DENND2A: variants seen among roughly 807,000 people sequenced by gnomAD.
DENND2A encodes DENN domain-containing protein 2A.
Under a neutral mutation model 105.3 loss-of-function variants are expected in DENND2A, and 53 were observed. The observed-to-expected ratio is 0.50, with a 90% CI of 0.40 to 0.63. The LOEUF (loss-of-function observed/expected upper bound fraction) is 0.63. Among genes scored for constraint, DENND2A ranks in the 30% least tolerant of loss-of-function variants. The pLI, the probability that DENND2A is intolerant of heterozygous loss-of-function variation, is 0.00. For synonymous variants in DENND2A, 522 were observed against 508.4 expected (o/e 1.03, Z -0.36); for missense variants, 1,138 against 1,279.6 (o/e 0.89, Z 1.69).
intron 6 of DENND2A, among the ~76,000 whole-genome samples, chr7:140,570,482 T>C (rs566676611): frequency 8.3e-4 from 127 of 152,284 alleles, no homozygotes; most frequent in Non-Finnish European, 1.5e-3. Flanking sequence ...TTCCAAAGAA[T>C]GTCAGAGCAG....
intron 5 of DENND2A, among the ~76,000 whole-genome samples, chr7:140,579,092 G>A (rs1374902819): frequency 6.6e-6 from 1 of 151,968 alleles, no homozygotes. Flanking sequence ...TCAAGAGATC[G>A]AGACCATCTG....
chr7:140,624,528 C>A (rs796786037), intron 1 of DENND2A, among the ~76,000 whole-genome samples: 1 of 152,176 alleles, frequency 6.6e-6, no homozygotes, highest in Non-Finnish European at 1.5e-5. Context: ...CACCTGGCCA[C>A]ATGGTGGCAG....
chr7:140,606,319 A>G (rs1266331306), intron 1 of DENND2A, among the ~76,000 whole-genome samples: 1 of 152,094 alleles, frequency 6.6e-6, no homozygotes, highest in African/African-American at 2.4e-5. Flanking sequence ...GGATTACCGG[A>G]GTGAGCCACT....
intron 12 of DENND2A, among the ~76,000 whole-genome samples, chr7:140,550,894 A>G (rs1322490502): frequency 6.6e-6 from 1 of 152,168 alleles, no homozygotes; most frequent in Non-Finnish European, 1.5e-5. Flanking sequence ...TTTGTTATGT[A>G]TATATTTTAG....
intron 11 of DENND2A, among the ~76,000 whole-genome samples, chr7:140,556,422 TCCACTTCC>T (rs1384827723): frequency 2.6e-5 from 4 of 152,128 alleles, no homozygotes; most frequent in Non-Finnish European, 1.5e-5. Flanking sequence ...CACTGCACCC[TCCACTTCC>T]CAGGTTCAGG....
Position 140,585,669 on chromosome 7 carries a change from G to A in DENND2A, c.1165C>T (p.His389Tyr), listed in dbSNP as rs1188662482. The A allele has an allele frequency of 2.5e-6, 4 of 1,614,090 alleles. No homozygotes were observed. The Admixed American group carries it at 6.7e-5, about 27-fold the overall frequency. ...KENPYEDIELHGRCLGKKCVL... is the reference protein window; with the variant it reads ...KENPYEDIELYGRCLGKKCVL... ...CACTTCTTTCCCAGGCAGCGACCAT[G>A]TAACTCGATGTCCTCATAAGGGTTC... The change falls in exon 5 of 20, where the codon CAT (histidine) becomes TAT (tyrosine). Residue 389 changes from histidine (H) to tyrosine (Y), a missense_variant. Physicochemically the swap from His to Tyr is moderately conservative, Grantham distance 83 (BLOSUM62 2). Transcript: ENST00000496613.
Position 140,527,500 on chromosome 7 carries a change from A to G in DENND2A, c.2328-5T>C. 6.3e-7 allele frequency: 1 copy of G among 1,591,632 alleles called. No individual in the cohort carries two copies. On this transcript the variant is annotated splice_polypyrimidine_tract_variant and splice_region_variant and intron_variant, in intron 14 of 19. Coordinates refer to ENST00000496613, the MANE Select transcript of DENND2A (RefSeq NM_015689.5). The surrounding 1 kb of genome is among the most constrained non-coding windows in gnomAD (Gnocchi z 4.9). ...TGGCAGCACTTGGACAGGATGCTGC[A>G]GCCGGGGAGAGAACAGGGAGAGAGG...
chr7:140,551,237 T>C (rs186346384), intron 12 of DENND2A, among the ~76,000 whole-genome samples: 3 of 138,110 alleles, frequency 2.2e-5, no homozygotes, highest in East Asian at 4.1e-4. Context: ...GAGGTGGAGG[T>C]TGCAGTGAGC....
At position 140,549,736 on chromosome 7, in the gene DENND2A, T is replaced by C. The variant is rs545951609; in HGVS notation, c.2038-2797A>G. On this transcript the variant is annotated intron_variant, in intron 12 of 19. Coordinates refer to ENST00000496613, the MANE Select transcript of DENND2A (RefSeq NM_015689.5). ...TGACCATATGATCCAGCAACTCTAT[T>C]TGTGGGTGTATACCCAAAAGAATTG... Among the ~76,000 whole-genome samples the C allele has an allele frequency of 3.3e-5, 5 of 152,210 alleles. No individual in the cohort carries two copies. The South Asian group carries it at 6.2e-4, about 19-fold the overall frequency.
At chr7:140,585,034 A>C (rs2062317) in intron 5 of DENND2A, among the ~76,000 whole-genome samples, 6,867 of 152,188 alleles carry the variant, frequency 0.045, 495 homozygotes, top group African/African-American at 0.15. Flanking sequence ...CCCCGTCTCT[A>C]CAAAAAATAC....
intron 14 of DENND2A, among the ~76,000 whole-genome samples, chr7:140,539,919 T>G (rs911041817): frequency 1.7e-4 from 26 of 152,194 alleles, no homozygotes; most frequent in Middle Eastern, 3.2e-3. Flanking sequence ...GTGGAGCCAT[T>G]TGTAACAGGA....
At chr7:140,561,203 T>C (rs904829333) in intron 9 of DENND2A, among the ~76,000 whole-genome samples, 2 of 152,144 alleles carry the variant, frequency 1.3e-5, no homozygotes, top group Admixed American at 1.3e-4. Context: ...GCACCCCAGA[T>C]ACAAGTTTGG....
rs1054829428 is a variant in DENND2A at position 140,526,928 on chromosome 7, G to A, written c.2505+390C>T. 1.4e-4 allele frequency among the ~76,000 whole-genome samples: 21 copies of A among 152,194 alleles called. No individual in the cohort carries two copies. In the East Asian group the frequency reaches 3.3e-3, roughly 24 times the overall value. ...GCTAAACTGGACACCCAGAACTTGG[G>A]GATTAAAAACATTTGTAACGGATAT... On this transcript the variant is annotated intron_variant, in intron 15 of 19. Transcript: ENST00000496613.
chr7:140,603,423 A>G (rs1312170587), intron 2 of DENND2A, among the ~76,000 whole-genome samples: 1 of 152,232 alleles, frequency 6.6e-6, no homozygotes, highest in African/African-American at 2.4e-5. Context: ...CAAGTCATGA[A>G]GTTTGTGCTA....
At chr7:140,567,306 G>GGGAGAGAGAAAGAGAGAA in intron 8 of DENND2A, 33 bp from the exon 9 acceptor site, 1 of 466,606 alleles carries the variant, frequency 2.1e-6, no homozygotes, top group Non-Finnish European at 2.8e-6. Context: ...AAGAGAGAAA[G>GGGAGAGAGAAAGAGAGAA]AGAGAGAGAG....
intron 13 of DENND2A, among the ~76,000 whole-genome samples, chr7:140,545,890 G>A (rs1796879816): frequency 6.6e-6 from 1 of 152,154 alleles, no homozygotes. Context: ...CACTGCATCT[G>A]GTATGGGATG....
chr7:140,583,787 G>C (rs1395359606), intron 5 of DENND2A, among the ~76,000 whole-genome samples: 1 of 149,008 alleles, frequency 6.7e-6, no homozygotes, highest in African/African-American at 2.6e-5. Flanking sequence ...TTAGCCAGGC[G>C]TGGTGGCGGG....
chr7:140,631,485 CTT>C (rs1800730344), intron 1 of DENND2A, among the ~76,000 whole-genome samples: 1 of 152,076 alleles, frequency 6.6e-6, no homozygotes, highest in African/African-American at 2.4e-5. Flanking sequence ...AAGAGGCTCT[CTT>C]GGCTCTCTGT....
Position 140,546,943 on chromosome 7 carries a change from C to G in DENND2A, c.2038-4G>C, listed in dbSNP as rs745833182. On this transcript the variant is annotated splice_polypyrimidine_tract_variant and splice_region_variant and intron_variant, in intron 12 of 19. Coordinates refer to ENST00000496613, the MANE Select transcript of DENND2A (RefSeq NM_015689.5). The stretch of plus-strand genomic sequence containing the variant: ...TTTTTTCCACCTCATCCAAGATCTG[C>G]AAGGGTCAGAAAAGCAGCTTAGCTA... The G allele has an allele frequency of 6.2e-7, 1 of 1,612,552 alleles. No homozygotes were observed. Among genetic ancestry groups the G allele is most frequent in the South Asian group, 1.1e-5 (1 of 90,812 alleles).
Sources: gnomAD v4.1 joint callset for allele counts (sites outside exome capture counted in the v4.1 genomes callset) on GRCh38, gnomAD v4.1.1 for gene constraint, Gnocchi (gnomAD v3.1) non-coding constraint, MANE v1.5 for transcripts, NCBI Gene and HGNC (gene_info 2026-07-23, HGNC 2026-07-21) for gene names.